The following CSMD1 variants were observed in gnomAD, a reference collection of about 807,000 sequenced individuals.
The protein encoded by CSMD1 is CUB and sushi domain-containing protein 1.
A neutral mutation model predicts 417.5 loss-of-function variants in CSMD1; 213 were observed. That is an observed-to-expected ratio of 0.51 (90% CI 0.46 to 0.57). The LOEUF is 0.57. Among genes scored for constraint, CSMD1 ranks in the 20% least tolerant of loss-of-function variants. CSMD1 has a pLI of 0.00. For synonymous variants in CSMD1, 2,862 were observed against 1,736.8 expected (o/e 1.65, Z -16.11); for missense variants, 6,923 against 4,529.7 (o/e 1.53, Z -15.17).
At chr8:3,889,925 G>A (rs1276459088) in intron 5 of CSMD1, among the ~76,000 whole-genome samples, 6 of 152,062 alleles carry the variant, frequency 3.9e-5, no homozygotes, top group East Asian at 3.9e-4. Flanking sequence ...CCACATGCCC[G>A]TAGTCTCAGA....
intron 3 of CSMD1, among the ~76,000 whole-genome samples, chr8:4,059,351 A>T (rs1417243269): frequency 1.3e-5 from 2 of 152,216 alleles, no homozygotes; most frequent in East Asian, 3.9e-4. Flanking sequence ...GAAAGATCCA[A>T]AATGGACACC....
chr8:4,938,347 A>T (rs1807761359), intron 1 of CSMD1, among the ~76,000 whole-genome samples: 1 of 152,222 alleles, frequency 6.6e-6, no homozygotes, highest in African/African-American at 2.4e-5. Flanking sequence ...CATTTCAAAG[A>T]TTCCAAAATG....
At chr8:3,635,539 A>T (rs1342957695) in intron 7 of CSMD1, among the ~76,000 whole-genome samples, 4 of 144,012 alleles carry the variant, frequency 2.8e-5, no homozygotes, top group African/African-American at 5.1e-5. Context: ...GCTGGAGTGC[A>T]GTGGCGCGAT....
At chr8:4,029,614 G>A (rs889922873) in intron 4 of CSMD1, among the ~76,000 whole-genome samples, 1 of 152,084 alleles carries the variant, frequency 6.6e-6, no homozygotes, top group Admixed American at 6.6e-5. Flanking sequence ...TTCAAGATGA[G>A]GTTTTGGTAG....
intron 1 of CSMD1, among the ~76,000 whole-genome samples, chr8:4,791,338 T>C (rs901763637): frequency 1.3e-5 from 2 of 152,154 alleles, no homozygotes; most frequent in Non-Finnish European, 2.9e-5. Flanking sequence ...GTGGACTTGT[T>C]TTTACTCCTT....
intron 1 of CSMD1, among the ~76,000 whole-genome samples, chr8:4,965,300 A>T (rs1235750167): frequency 6.6e-6 from 1 of 152,254 alleles, no homozygotes; most frequent in Non-Finnish European, 1.5e-5. Context: ...TGTATCAGGC[A>T]TAGTTGCAAA....
chr8:4,261,520 T>C (rs981431492), intron 3 of CSMD1, among the ~76,000 whole-genome samples: 1 of 152,170 alleles, frequency 6.6e-6, no homozygotes, highest in Admixed American at 6.5e-5. Flanking sequence ...ATACTGTTAT[T>C]ATATACTTGA....
At chr8:3,478,521 G>C (rs1817554790) in intron 11 of CSMD1, among the ~76,000 whole-genome samples, 2 of 152,160 alleles carry the variant, frequency 1.3e-5, no homozygotes, top group Non-Finnish European at 2.9e-5. Context: ...TGTGATAGGA[G>C]AAAGACAAGC....
chr8:4,317,636 A>G (rs1332809437), intron 3 of CSMD1, among the ~76,000 whole-genome samples: 1 of 151,972 alleles, frequency 6.6e-6, no homozygotes, highest in Non-Finnish European at 1.5e-5. Flanking sequence ...AGAGAGAGAC[A>G]ATTTTATTTA....
intron 26 of CSMD1, among the ~76,000 whole-genome samples, chr8:3,271,744 G>C (rs2117156647): frequency 6.6e-6 from 1 of 152,206 alleles, no homozygotes. Context: ...AGAAGTGTCT[G>C]TTCATGTCCT....
chr8:4,072,358 T>A (rs1799603791), intron 3 of CSMD1, among the ~76,000 whole-genome samples: 1 of 152,178 alleles, frequency 6.6e-6, no homozygotes, highest in Non-Finnish European at 1.5e-5. Context: ...AATACTAGTT[T>A]TCAATAATAG....
chr8:4,054,967 A>T (rs1354422738), intron 3 of CSMD1, among the ~76,000 whole-genome samples: 1 of 152,222 alleles, frequency 6.6e-6, no homozygotes, highest in Non-Finnish European at 1.5e-5. Context: ...GTTTTCACTT[A>T]CACTGCTTTT....
chr8:4,838,986 C>T (rs570812017), intron 1 of CSMD1, among the ~76,000 whole-genome samples: 101 of 152,166 alleles, frequency 6.6e-4, no homozygotes, highest in Non-Finnish European at 1.1e-3. Flanking sequence ...TTACTTCTAC[C>T]TATTTTGCCT....
intron 5 of CSMD1, among the ~76,000 whole-genome samples, chr8:3,976,182 C>T (rs1224452402): frequency 3.3e-5 from 5 of 151,796 alleles, no homozygotes; most frequent in African/African-American, 1.2e-4. Flanking sequence ...TACGAGATAA[C>T]TTATGCTTAT....
intron 7 of CSMD1, among the ~76,000 whole-genome samples, chr8:3,692,631 C>T (rs1319292929): frequency 1.3e-5 from 2 of 152,066 alleles, no homozygotes; most frequent in Non-Finnish European, 2.9e-5. Context: ...TGGGGTTTCA[C>T]CATGTTGGTC....
At chr8:4,264,008 A>G (rs554086688) in intron 3 of CSMD1, among the ~76,000 whole-genome samples, 2 of 152,168 alleles carry the variant, frequency 1.3e-5, no homozygotes, top group African/African-American at 2.4e-5. Context: ...AGTAAATCAG[A>G]TCGTTCTTAT....
chr8:4,405,671 C>G (rs950549712), intron 3 of CSMD1, among the ~76,000 whole-genome samples: 1 of 152,200 alleles, frequency 6.6e-6, no homozygotes, highest in Non-Finnish European at 1.5e-5. Context: ...AGACACATCA[C>G]TCATCGCTAA....
chr8:3,100,165 C>G (rs555276443), intron 46 of CSMD1, among the ~76,000 whole-genome samples: 2 of 152,148 alleles, frequency 1.3e-5, no homozygotes, highest in Non-Finnish European at 2.9e-5. Flanking sequence ...AATCCTCCCA[C>G]CTCAGCTGCC....
At chr8:4,332,154 G>C (rs912194228) in intron 3 of CSMD1, among the ~76,000 whole-genome samples, 3 of 152,078 alleles carry the variant, frequency 2.0e-5, no homozygotes, top group Non-Finnish European at 4.4e-5. Flanking sequence ...AAGTTGCTTA[G>C]GTCATGGAGC....
Sources: allele counts gnomAD v4.1 joint callset (sites outside exome capture counted in the v4.1 genomes callset), GRCh38; gene constraint gnomAD v4.1.1; transcripts MANE v1.5; gene names NCBI Gene and HGNC (gene_info 2026-07-23, HGNC 2026-07-21).